The following SLC2A9 variants were observed in gnomAD, a reference collection of about 807,000 sequenced individuals.
SLC2A9 encodes solute carrier family 2, facilitated glucose transporter member 9.
A neutral mutation model predicts 50.6 loss-of-function variants in SLC2A9; 39 were observed. The observed-to-expected ratio is 0.77, with a 90% confidence interval of 0.60 to 1.01. SLC2A9 has a LOEUF of 1.01. Among genes scored for constraint, SLC2A9 ranks in the 50% least tolerant of loss-of-function variants. The probability of loss-of-function intolerance (pLI) is 0.00; values close to 1 mark genes in which losing one functional copy is unlikely to be tolerated. For synonymous variants in SLC2A9, 324 were observed against 276.9 expected, an observed-to-expected ratio of 1.17 and a Z score of -1.69; for missense variants, 686 against 677.6, an observed-to-expected ratio of 1.01 and a Z score of -0.14.
chr4:9,832,109 C>T (rs921959356), intron 11 of SLC2A9, among the ~76,000 whole-genome samples: 3 of 152,106 alleles, frequency 2.0e-5, no homozygotes, highest in East Asian at 1.9e-4. Flanking sequence ...GCCCGAGGCC[C>T]GAGTAGATGA....
At chr4:9,793,753 G>C (rs1255681611) in intron 3 of SLC2A9, among the ~76,000 whole-genome samples, 1 of 152,218 alleles carries the variant, frequency 6.6e-6, no homozygotes, top group African/African-American at 2.4e-5. Context: ...TTCAACAAGA[G>C]CTAAAGGGAA....
chr4:9,977,696 T>C (rs1365490148), intron 5 of SLC2A9, among the ~76,000 whole-genome samples: 1 of 151,808 alleles, frequency 6.6e-6, no homozygotes, highest in Non-Finnish European at 1.5e-5. Flanking sequence ...TAAATCCTAC[T>C]CATCCTCAAG....
chr4:9,832,959 C>T (rs545609709), intron 11 of SLC2A9, among the ~76,000 whole-genome samples: 25 of 152,152 alleles, frequency 1.6e-4, no homozygotes, highest in African/African-American at 5.3e-4. Flanking sequence ...GCCTGCTTCT[C>T]GGACATACAA....
At chr4:9,980,077 G>A (rs527967806) in intron 5 of SLC2A9, among the ~76,000 whole-genome samples, 6 of 152,158 alleles carry the variant, frequency 3.9e-5, no homozygotes, top group East Asian at 1.9e-4. Context: ...GTAAATCATC[G>A]AACTGGGATT....
intron 5 of SLC2A9, among the ~76,000 whole-genome samples, chr4:9,952,381 T>A (rs4459990): frequency 6.6e-6 from 1 of 151,822 alleles, no homozygotes; most frequent in Non-Finnish European, 1.5e-5. Flanking sequence ...GCACCTTCCC[T>A]AGCCTTACTT....
chr4:9,996,343 C>T (rs1026576725), intron 3 of SLC2A9, among the ~76,000 whole-genome samples: 1 of 152,202 alleles, frequency 6.6e-6, no homozygotes, highest in Non-Finnish European at 1.5e-5. Context: ...TTTCCATTTG[C>T]CCCAACACCC....
downstream of SLC2A9, among the ~76,000 whole-genome samples, chr4:9,825,004 T>C (rs182261938): frequency 8.5e-4 from 129 of 152,298 alleles, no homozygotes; most frequent in African/African-American, 3.0e-3. Context: ...ACTCAAATTT[T>C]GCCTAAGGCT....
chr4:9,834,222 T>C (rs947868844), intron 11 of SLC2A9, among the ~76,000 whole-genome samples: 1 of 152,188 alleles, frequency 6.6e-6, no homozygotes, highest in African/African-American at 2.4e-5. Context: ...CCATTTAAAA[T>C]AGCACTTATG....
intron 5 of SLC2A9, among the ~76,000 whole-genome samples, chr4:9,942,248 C>T (rs892728988): frequency 1.3e-5 from 2 of 152,248 alleles, no homozygotes; most frequent in Non-Finnish European, 2.9e-5. Flanking sequence ...AGTCCAGAGA[C>T]TCCTCAAGAG....
chr4:9,915,379 A>C (rs1446136710), intron 7 of SLC2A9, among the ~76,000 whole-genome samples: 3 of 152,204 alleles, frequency 2.0e-5, no homozygotes, highest in African/African-American at 7.2e-5. Flanking sequence ...CTGGGATTAC[A>C]GGCATGTGCC....
intron 7 of SLC2A9, among the ~76,000 whole-genome samples, chr4:9,919,736 G>A (rs1577891782): frequency 1.3e-5 from 2 of 152,138 alleles, no homozygotes; most frequent in Admixed American, 1.3e-4. Flanking sequence ...TCCATAGATG[G>A]GGAGATCACC....
chr4:9,797,693 C>T (rs1359147365), downstream of SLC2A9, among the ~76,000 whole-genome samples: 1 of 152,202 alleles, frequency 6.6e-6, no homozygotes, highest in Non-Finnish European at 1.5e-5. Context: ...AAGTCAAATG[C>T]TCCCTCCTGA....
At chr4:9,829,814 T>C (rs1725771211) in intron 11 of SLC2A9, among the ~76,000 whole-genome samples, 1 of 152,150 alleles carries the variant, frequency 6.6e-6, no homozygotes, top group South Asian at 2.1e-4. Context: ...CACAATGAGA[T>C]ACCATCTCAT....
intron 8 of SLC2A9, among the ~76,000 whole-genome samples, chr4:9,893,358 G>A (rs1737893787): frequency 6.6e-6 from 1 of 152,066 alleles, no homozygotes; most frequent in Non-Finnish European, 1.5e-5. Context: ...AGGGAGGGAA[G>A]GTCTGTCTTT....
At chr4:10,019,699 C>G (rs1045824020) in intron 1 of SLC2A9, among the ~76,000 whole-genome samples, 1 of 152,236 alleles carries the variant, frequency 6.6e-6, no homozygotes, top group African/African-American at 2.4e-5. Flanking sequence ...TGTGCACACA[C>G]GCTTACATGC....
At chr4:9,928,074 C>T (rs530268048) in intron 6 of SLC2A9, among the ~76,000 whole-genome samples, 189 of 152,088 alleles carry the variant, frequency 1.2e-3, no homozygotes, top group African/African-American at 4.3e-3. Context: ...CCCAGGAGTT[C>T]GAGGCCAGCC....
chr4:9,791,459 C>A (rs1719907798), intron 3 of SLC2A9, among the ~76,000 whole-genome samples: 1 of 152,104 alleles, frequency 6.6e-6, no homozygotes, highest in African/African-American at 2.4e-5. Context: ...CACCCCAATG[C>A]CTGATTTGAT....
intron 10 of SLC2A9, among the ~76,000 whole-genome samples, chr4:9,878,827 C>T (rs1210802340): frequency 6.6e-6 from 1 of 151,988 alleles, no homozygotes; most frequent in South Asian, 2.1e-4. Context: ...CTCTTTCTGA[C>T]ACTCTGGGGA....
chr4:10,030,973 C>T (rs796524450), intron 1 of SLC2A9, among the ~76,000 whole-genome samples: 2 of 152,304 alleles, frequency 1.3e-5, no homozygotes, highest in Non-Finnish European at 2.9e-5. Flanking sequence ...GAGAACTCAA[C>T]CCCAGCTGCA....
Sources: gnomAD v4.1 joint callset for allele counts (sites outside exome capture counted in the v4.1 genomes callset) on GRCh38, gnomAD v4.1.1 for gene constraint, MANE v1.5 for transcripts, NCBI Gene and HGNC (gene_info 2026-07-23, HGNC 2026-07-21) for gene names.